The following PTPRD variants were observed in gnomAD, a reference collection of about 807,000 sequenced individuals.
PTPRD encodes receptor-type tyrosine-protein phosphatase delta.
Under a neutral mutation model 214.5 loss-of-function variants are expected in PTPRD, and 34 were observed. The observed-to-expected ratio is 0.16, with a 90% confidence interval of 0.12 to 0.21. The LOEUF is 0.21. Among genes scored for constraint, PTPRD ranks in the 10% least tolerant of loss-of-function variants. The pLI is 1.00. For synonymous variants in PTPRD, 1,128 were observed against 845.7 expected, an observed-to-expected ratio of 1.33 and a Z score of -5.79; for missense variants, 2,545 against 2,398.7, an observed-to-expected ratio of 1.06 and a Z score of -1.27.
intron 9 of PTPRD, among the ~76,000 whole-genome samples, chr9:9,295,748 A>G (rs1189088760): frequency 6.6e-6 from 1 of 151,796 alleles, no homozygotes; most frequent in Non-Finnish European, 1.5e-5. Flanking sequence ...TTTCTTTGAA[A>G]TATTTCTTTA....
chr9:8,483,194 C>T (rs2096923705), intron 30 of PTPRD, among the ~76,000 whole-genome samples: 1 of 152,168 alleles, frequency 6.6e-6, no homozygotes, highest in African/African-American at 2.4e-5. Context: ...CCACTTCAGG[C>T]CTGTTGGCCT....
intron 35 of PTPRD, among the ~76,000 whole-genome samples, chr9:8,412,049 G>A (rs900664726): frequency 4.1e-4 from 63 of 152,242 alleles, no homozygotes; most frequent in African/African-American, 1.3e-3. Context: ...ATGTAATTAC[G>A]ATGACTTATA....
chr9:9,611,124 C>T (rs1014290908), intron 7 of PTPRD, among the ~76,000 whole-genome samples: 1 of 152,170 alleles, frequency 6.6e-6, no homozygotes, highest in Non-Finnish European at 1.5e-5. Flanking sequence ...AATATGGCTA[C>T]ATGATGTACC....
chr9:8,353,698 T>C (rs1247304526), intron 39 of PTPRD, among the ~76,000 whole-genome samples: 1 of 151,732 alleles, frequency 6.6e-6, no homozygotes, highest in Non-Finnish European at 1.5e-5. Flanking sequence ...CCCCCCAAAG[T>C]GGTGGGATTA....
chr9:9,658,380 C>T (rs1055230734), intron 7 of PTPRD, among the ~76,000 whole-genome samples: 3 of 152,090 alleles, frequency 2.0e-5, no homozygotes, highest in Admixed American at 6.6e-5. Context: ...ACATTTAGTA[C>T]TTATAATGTA....
At chr9:9,756,980 T>C (rs371000865) in intron 6 of PTPRD, among the ~76,000 whole-genome samples, 2 of 152,198 alleles carry the variant, frequency 1.3e-5, no homozygotes, top group Admixed American at 1.3e-4. Context: ...TCCACAAGAA[T>C]GTGTTTCATA....
chr9:9,928,015 A>T (rs1375729434), intron 5 of PTPRD, among the ~76,000 whole-genome samples: 1 of 152,104 alleles, frequency 6.6e-6, no homozygotes, highest in Non-Finnish European at 1.5e-5. Flanking sequence ...TATATTCTTA[A>T]ATGACTAATG....
chr9:10,115,684 T>A (rs886516771), intron 3 of PTPRD, among the ~76,000 whole-genome samples: 4 of 152,132 alleles, frequency 2.6e-5, no homozygotes, highest in Non-Finnish European at 4.4e-5. Context: ...AAAGATTCAC[T>A]GTAAATCTGT....
rs2097156453 is a variant in PTPRD, at chr9:9,685,790, T to C, written c.-287+48743A>G. ...AGTTTCAGGATGACATTTAATACTATTTGCCAAATATTCTATTTCTTTTTT... is the reference window on the plus strand; with the variant it reads ...AGTTTCAGGATGACATTTAATACTACTTGCCAAATATTCTATTTCTTTTTT... On this transcript the variant is annotated intron_variant, in intron 7 of 45. Transcript: ENST00000381196. Among the ~76,000 whole-genome samples the C allele has an allele frequency of 3.3e-5, 5 of 151,396 alleles. No homozygotes were observed. The South Asian group carries it at 8.3e-4, about 25-fold the overall frequency.
At chr9:8,803,756 G>C (rs1321553596) in intron 11 of PTPRD, among the ~76,000 whole-genome samples, 1 of 150,290 alleles carries the variant, frequency 6.7e-6, no homozygotes. Context: ...AAAAAGAAAA[G>C]AAAAAGTACG....
intron 3 of PTPRD, among the ~76,000 whole-genome samples, chr9:10,243,872 AT>A (rs1169741762): frequency 4.0e-5 from 6 of 150,772 alleles, no homozygotes; most frequent in African/African-American, 7.3e-5. Context: ...TGGATTAATC[AT>A]TTTTTTTTCT....
chr9:9,345,084 A>G (rs1038523364), intron 9 of PTPRD, among the ~76,000 whole-genome samples: 1 of 152,126 alleles, frequency 6.6e-6, no homozygotes, highest in African/African-American at 2.4e-5. Flanking sequence ...TCCAGACAGG[A>G]AAGTGGTTCA....
chr9:9,883,042 G>A (rs2069354767), intron 5 of PTPRD, among the ~76,000 whole-genome samples: 2 of 152,110 alleles, frequency 1.3e-5, no homozygotes, highest in South Asian at 4.1e-4. Context: ...CCAAGAAGAT[G>A]TTGTCATGAT....
At chr9:10,373,902 T>C (rs2097678717) in intron 2 of PTPRD, among the ~76,000 whole-genome samples, 1 of 152,100 alleles carries the variant, frequency 6.6e-6, no homozygotes, top group Non-Finnish European at 1.5e-5. Flanking sequence ...TCCACTTCAT[T>C]TATTTACATT....
intron 3 of PTPRD, among the ~76,000 whole-genome samples, chr9:10,266,744 G>GA (rs544724583): frequency 4.1e-4 from 61 of 148,820 alleles, no homozygotes; most frequent in Admixed American, 1.5e-3. Context: ...GCTAATTTTA[G>GA]AAAAAAAAAA....
intron 9 of PTPRD, among the ~76,000 whole-genome samples, chr9:9,274,632 G>T (rs544702472): frequency 2.0e-5 from 3 of 151,016 alleles, no homozygotes; most frequent in Non-Finnish European, 4.4e-5. Context: ...CCACCCTCTG[G>T]CCCTAAATTG....
At chr9:10,610,892 T>C (rs1394130573) in intron 2 of PTPRD, among the ~76,000 whole-genome samples, 5 of 152,160 alleles carry the variant, frequency 3.3e-5, no homozygotes, top group Admixed American at 3.3e-4. Context: ...TTTTTTGTAA[T>C]AATTGTAACT....
chr9:10,060,800 C>CT (rs1453773712), intron 3 of PTPRD, among the ~76,000 whole-genome samples: 70 of 124,162 alleles, frequency 5.6e-4, no homozygotes, highest in African/African-American at 2.7e-3. Context: ...TTCTTTCTTT[C>CT]TTCCTTTCTT....
intron 33 of PTPRD, among the ~76,000 whole-genome samples, chr9:8,451,067 G>C (rs1412113157): frequency 6.6e-6 from 1 of 152,172 alleles, no homozygotes; most frequent in African/African-American, 2.4e-5. Flanking sequence ...TCTATGGTTA[G>C]CCAGAGGGCT....
Sources: allele counts gnomAD v4.1 joint callset (sites outside exome capture counted in the v4.1 genomes callset), GRCh38; gene constraint gnomAD v4.1.1; transcripts MANE v1.5; gene names NCBI Gene and HGNC (gene_info 2026-07-23, HGNC 2026-07-21).